TTC13: variants seen among roughly 807,000 people sequenced by gnomAD.
TTC13 encodes tetratricopeptide repeat domain 13, also known as tetratricopeptide repeat protein 13.
TTC13 carries 62 observed loss-of-function variants against 120.0 expected under a neutral mutation model. The ratio of observed to expected loss-of-function variants is 0.52; its 90% CI spans 0.42 to 0.64. The LOEUF (loss-of-function observed/expected upper bound fraction) is 0.64. TTC13 is among the 30% of genes least tolerant of loss of function. TTC13 has a pLI of 0.00. For missense variants in TTC13, 824 were observed against 1,050.2 expected, an observed-to-expected ratio of 0.78 and a Z score of 2.98; for synonymous variants, 384 against 393.5, an observed-to-expected ratio of 0.98 and a Z score of 0.28.
At position 230,923,944 on chromosome 1, in the gene TTC13, G is replaced by A; in HGVS notation, c.1722-11C>T. On this transcript the variant is annotated splice_polypyrimidine_tract_variant and intron_variant, in intron 14 of 22. Transcript: ENST00000366661. Reference sequence around the variant, plus strand: ...TCTGGGTCAGCAATCCTATAAAACAGAGACCTTTATAAAACCAGAAGTGTT... The same window carrying A: ...TCTGGGTCAGCAATCCTATAAAACAAAGACCTTTATAAAACCAGAAGTGTT... The A allele has an allele frequency of 6.2e-7, 1 of 1,605,520 alleles. No homozygotes were observed. The highest frequency in any genetic ancestry group is 1.1e-5 in the South Asian group (1 of 90,328).
intron 18 of TTC13, 59 bp downstream of exon 18, chr1:230,916,134 G>A (rs760599682): frequency 3.0e-5 from 38 of 1,271,698 alleles, no homozygotes; most frequent in Non-Finnish European, 4.3e-5. Context: ...GTGACAATAA[G>A]CACAGGCACC....
At chr1:230,975,764 C>T (rs1678238738) in intron 1 of TTC13, among the ~76,000 whole-genome samples, 1 of 152,142 alleles carries the variant, frequency 6.6e-6, no homozygotes, top group Non-Finnish European at 1.5e-5. Flanking sequence ...CAAGCTGAGA[C>T]ATATGGCACC....
intron 12 of TTC13, 107 bp downstream of exon 12, chr1:230,928,830 A>G: frequency 9.1e-7 from 1 of 1,093,804 alleles, no homozygotes. Flanking sequence ...GCCCCAGGCA[A>G]TTCTACCTCA....
chr1:230,941,212 A>C (rs371383604), intron 6 of TTC13, among the ~76,000 whole-genome samples: 1 of 152,364 alleles, frequency 6.6e-6, no homozygotes, highest in East Asian at 1.9e-4. Context: ...CCAAAAAGAC[A>C]TAAGAAAATC....
chr1:230,963,671 T>TAAATAAAAAAAA (rs781569617), intron 1 of TTC13, among the ~76,000 whole-genome samples: 2 of 109,812 alleles, frequency 1.8e-5, no homozygotes. Flanking sequence ...AATAAATAAA[T>TAAATAAAAAAAA]AAAAGAAAAA....
chr1:230,958,871 T>G (rs1029954558), intron 2 of TTC13, among the ~76,000 whole-genome samples: 8 of 152,180 alleles, frequency 5.3e-5, no homozygotes. Flanking sequence ...TGTACACTGA[T>G]AGCCCCAGCT....
chr1:230,974,324 C>T (rs905354809), intron 1 of TTC13, among the ~76,000 whole-genome samples: 5 of 152,148 alleles, frequency 3.3e-5, no homozygotes, highest in South Asian at 2.1e-4. Context: ...ATTTTCAAGG[C>T]ATGTATTACT....
At chr1:230,920,053 C>G (rs2102782230) in intron 17 of TTC13, among the ~76,000 whole-genome samples, 1 of 152,328 alleles carries the variant, frequency 6.6e-6, no homozygotes, top group East Asian at 1.9e-4. Flanking sequence ...AAACTCCACT[C>G]TCTACCTCCT....
chr1:230,961,287 G>T lies in TTC13; in HGVS notation c.288C>A (p.Asn96Lys). The T allele has an allele frequency of 6.2e-7, 1 of 1,613,480 alleles. No individual in the cohort carries two copies. The highest frequency in any genetic ancestry group is 8.5e-7 in the Non-Finnish European group (1 of 1,179,576). Residue 96 changes from asparagine to lysine, a missense_variant, in exon 2 of 23, where the codon AAC (asparagine) becomes AAA (lysine). Asn to Lys is a moderately conservative substitution (Grantham distance 94). Transcript: ENST00000366661. ...SAECGESSFL[N>K]FHDSDCEPKG... ...TGGGTTCGCAGTCTGAGTCATGGAAGTTCAAAAAGGATGACTCTGAAAGGC... is the reference window on the plus strand; with the variant it reads ...TGGGTTCGCAGTCTGAGTCATGGAATTTCAAAAAGGATGACTCTGAAAGGC...
intron 1 of TTC13, among the ~76,000 whole-genome samples, chr1:230,963,455 G>T (rs951987872): frequency 1.4e-5 from 2 of 141,586 alleles, no homozygotes; most frequent in Non-Finnish European, 3.1e-5. Context: ...CCTGGGCATC[G>T]TGGCAAAACA....
chr1:230,963,078 A>G (rs1676792837), intron 1 of TTC13, among the ~76,000 whole-genome samples: 1 of 152,196 alleles, frequency 6.6e-6, no homozygotes, highest in Admixed American at 6.5e-5. Context: ...TTTCACCTTG[A>G]TAGATTATTG....
chr1:230,969,002 C>T (rs1284982982), intron 1 of TTC13, among the ~76,000 whole-genome samples: 2 of 152,118 alleles, frequency 1.3e-5, no homozygotes, highest in Non-Finnish European at 1.5e-5. Context: ...GGGCTGGGTG[C>T]GGTGGCTCAC....
At chr1:230,948,063 C>T (rs1286364358) in intron 4 of TTC13, among the ~76,000 whole-genome samples, 1 of 152,186 alleles carries the variant, frequency 6.6e-6, no homozygotes, top group Admixed American at 6.5e-5. Context: ...CAGATATACA[C>T]CAAGAGTTAT....
At position 230,940,320 on chromosome 1, in the gene TTC13, T is replaced by C; in HGVS notation, c.789+120A>G. 2 of 585,880 alleles carry C rather than the reference T, an allele frequency of 3.4e-6. No homozygotes were observed. Among genetic ancestry groups the C allele is most frequent in the Non-Finnish European group, 5.9e-6 (2 of 336,368 alleles). The allele number at this position is 585,880 out of a possible 1,614,324, so 36.3% of individuals were successfully genotyped here. ...ACAGAAAATGCTTTTATAACTCTTA[T>C]GACACAGACATATTACTAAACAGTC... On this transcript the variant is annotated intron_variant, in intron 7 of 22. Transcript: ENST00000366661. This position sits in a 1 kb window ranked among gnomAD's most constrained non-coding sequence, Gnocchi z 4.1.
At chr1:230,934,929 A>G (rs1291347874) in intron 8 of TTC13, among the ~76,000 whole-genome samples, 3 of 152,204 alleles carry the variant, frequency 2.0e-5, no homozygotes, top group African/African-American at 7.2e-5. Context: ...AAGCAGTAAA[A>G]TTCTAATTCT....
intron 1 of TTC13, among the ~76,000 whole-genome samples, chr1:230,973,429 G>A (rs1434075599): frequency 2.6e-5 from 4 of 152,156 alleles, no homozygotes; most frequent in Admixed American, 2.6e-4. Flanking sequence ...TCTCAAATTG[G>A]ACAAACAGAT....
In TTC13 at chr1:230,940,410, T is replaced by G. The variant is rs764340500; in HGVS notation, c.789+30A>C. Reference sequence around the variant, plus strand: ...GGGAAAAATGAAATCTTCATCATCATAAAAATACTTCAAGACAAAAACCAG... The same window carrying G: ...GGGAAAAATGAAATCTTCATCATCAGAAAAATACTTCAAGACAAAAACCAG... On this transcript the variant is annotated intron_variant, in intron 7 of 22. Coordinates refer to ENST00000366661, the MANE Select transcript of TTC13 (RefSeq NM_024525.5). This position sits in a 1 kb window ranked among gnomAD's most constrained non-coding sequence, Gnocchi z 4.1. 1 of 1,420,444 alleles carries G rather than the reference T, an allele frequency of 7.0e-7. No homozygotes were observed. The allele number at this position is 1,420,444 out of a possible 1,614,324, so 88.0% of individuals were successfully genotyped here. A position where few individuals can be genotyped will look rare whatever the true frequency, so the allele number is the denominator to read the frequency against.
intron 9 of TTC13, among the ~76,000 whole-genome samples, chr1:230,932,398 C>T (rs143567852): frequency 1.1e-4 from 16 of 151,888 alleles, no homozygotes; most frequent in Non-Finnish European, 2.1e-4. Flanking sequence ...GAATTGTAAC[C>T]ATTCCAGGAT....
chr1:230,952,055 A>C (rs1675645323), intron 4 of TTC13, among the ~76,000 whole-genome samples: 1 of 152,252 alleles, frequency 6.6e-6, no homozygotes. Flanking sequence ...CAAGTTTCTT[A>C]TTAGAACTTT....
Sources: gnomAD v4.1 joint callset for allele counts (sites outside exome capture counted in the v4.1 genomes callset) on GRCh38, gnomAD v4.1.1 for gene constraint, Gnocchi (gnomAD v3.1) non-coding constraint, MANE v1.5 for transcripts, NCBI Gene and HGNC (gene_info 2026-07-23, HGNC 2026-07-21) for gene names.